The following RPH3A variants were observed in gnomAD, a reference collection of about 807,000 sequenced individuals.
RPH3A encodes rabphilin 3A.
RPH3A carries 48 observed loss-of-function variants against 102.2 expected under a neutral mutation model. The observed-to-expected ratio is 0.47, with a 90% CI of 0.37 to 0.60. The LOEUF is 0.60. RPH3A is among the 20% of genes least tolerant of loss of function. RPH3A has a pLI of 0.00. For synonymous variants in RPH3A, 310 were observed against 324.3 expected (o/e 0.96, Z 0.47); for missense variants, 781 against 910.1 (o/e 0.86, Z 1.83).
intron 2 of RPH3A, among the ~76,000 whole-genome samples, chr12:112,826,560 T>G (rs2041877170): frequency 6.6e-6 from 1 of 152,164 alleles, no homozygotes; most frequent in African/African-American, 2.4e-5. Context: ...CTTCACCCCA[T>G]GGAGGCCCCC....
upstream of RPH3A, among the ~76,000 whole-genome samples, chr12:112,787,401 C>A (rs536212710): frequency 6.6e-6 from 1 of 152,290 alleles, no homozygotes; most frequent in East Asian, 1.9e-4. Flanking sequence ...ACCCCATTCT[C>A]CCCCTCTTCC....
intron 1 of RPH3A, among the ~76,000 whole-genome samples, chr12:112,755,272 A>C (rs1042330116): frequency 1.3e-5 from 2 of 149,690 alleles, no homozygotes; most frequent in African/African-American, 5.0e-5. Context: ...TGCAAAGATA[A>C]GTAAAATTGA....
chr12:112,648,926 C>T (rs1301667927), intron 1 of RPH3A, among the ~76,000 whole-genome samples: 2 of 152,054 alleles, frequency 1.3e-5, no homozygotes, highest in Admixed American at 6.6e-5. Context: ...TCAAACAATC[C>T]TCATGCCTCA....
chr12:112,596,515 T>C (rs1242072389), intron 1 of RPH3A, among the ~76,000 whole-genome samples: 1 of 152,236 alleles, frequency 6.6e-6, no homozygotes, highest in Non-Finnish European at 1.5e-5. Context: ...CAGTAATGCC[T>C]TCATTGTAAA....
intron 1 of RPH3A, among the ~76,000 whole-genome samples, chr12:112,783,206 T>A (rs2041020784): frequency 6.6e-6 from 1 of 152,150 alleles, no homozygotes; most frequent in Non-Finnish European, 1.5e-5. Flanking sequence ...AGTGTGAGGC[T>A]GAGAAATCTC....
At chr12:112,832,714 ATGCCTGTGTTCT>A (rs2041989888) in intron 3 of RPH3A, among the ~76,000 whole-genome samples, 1 of 152,172 alleles carries the variant, frequency 6.6e-6, no homozygotes, top group Non-Finnish European at 1.5e-5. Flanking sequence ...GTTGTGGTGC[ATGCCTGTGTTCT>A]CAGCTACTCA....
rs570484533 is a variant in RPH3A at position 112,590,905 on chromosome 12, C to T, written c.-140+15586C>T. On this transcript the variant is annotated intron_variant, in intron 1 of 21. Coordinates refer to the RPH3A transcript ENST00000543106. ...GAAACCTTAGGTTCAAGTGATCTTCCTGCCTCAGCCTCCCGAGTAGTTGGA... is the reference window on the plus strand; with the variant it reads ...GAAACCTTAGGTTCAAGTGATCTTCTTGCCTCAGCCTCCCGAGTAGTTGGA... Among the ~76,000 whole-genome samples the T allele has an allele frequency of 7.2e-5, 11 of 152,228 alleles. No individual in the cohort carries two copies. In the East Asian group the frequency reaches 2.1e-3, roughly 29 times the overall value.
chr12:112,668,310 C>T (rs2136007616), intron 1 of RPH3A, among the ~76,000 whole-genome samples: 1 of 152,214 alleles, frequency 6.6e-6, no homozygotes, highest in African/African-American at 2.4e-5. Context: ...AGATAATGAT[C>T]TATAAAGAGC....
chr12:112,858,266 C>CAAAAAAAAAAAAAAAAAAAAAAA (rs1164602599), intron 5 of RPH3A, among the ~76,000 whole-genome samples: 2 of 44,776 alleles, frequency 4.5e-5, no homozygotes, highest in Non-Finnish European at 3.7e-5. Flanking sequence ...GACCCTGTCT[C>CAAAAAAAAAAAAAAAAAAAAAAA]AAAAAAAAAA....
At chr12:112,642,031 G>A (rs954154185) in intron 1 of RPH3A, among the ~76,000 whole-genome samples, 1 of 152,172 alleles carries the variant, frequency 6.6e-6, no homozygotes, top group Non-Finnish European at 1.5e-5. Flanking sequence ...CTTAAGCTCA[G>A]GGTGTTTGAC....
intron 1 of RPH3A, among the ~76,000 whole-genome samples, chr12:112,683,979 T>C (rs1037593452): frequency 6.6e-6 from 1 of 152,212 alleles, no homozygotes; most frequent in African/African-American, 2.4e-5. Context: ...AAATTATTAT[T>C]CTCATCGATT....
Position 112,742,310 on chromosome 12 carries a change from G to A in RPH3A, c.-139-49833G>A, listed in dbSNP as rs560830429. ...TCTTGCTGTGGGTAGACTCTTCCGG[G>A]AAATTGGAGAGGAAATGTTGTATAC... On this transcript the variant is annotated intron_variant, in intron 1 of 21. Transcript: ENST00000543106. 1.8e-3 allele frequency among the ~76,000 whole-genome samples: 276 copies of A among 152,248 alleles called. 1 individual carries two copies. The highest frequency in any genetic ancestry group is 6.2e-3 in the African/African-American group (259 of 41,556).
At chr12:112,775,858 T>C (rs1664678580) in intron 1 of RPH3A, among the ~76,000 whole-genome samples, 1 of 152,192 alleles carries the variant, frequency 6.6e-6, no homozygotes, top group South Asian at 2.1e-4. Flanking sequence ...CATGGTCCTT[T>C]TCCAGGGGTA....
chr12:112,826,223 G>A (rs187731603), intron 2 of RPH3A, among the ~76,000 whole-genome samples: 7 of 152,284 alleles, frequency 4.6e-5, no homozygotes, highest in South Asian at 4.1e-4. Flanking sequence ...GAAGGCTTCC[G>A]GGCTGAGGGA....
chr12:112,775,326 C>A (rs1261820977), intron 1 of RPH3A, among the ~76,000 whole-genome samples: 1 of 152,096 alleles, frequency 6.6e-6, no homozygotes, highest in Non-Finnish European at 1.5e-5. Context: ...TAATAATAAG[C>A]AAATGCTAAG....
chr12:112,590,949 C>T (rs994816021), intron 1 of RPH3A, among the ~76,000 whole-genome samples: 3 of 152,200 alleles, frequency 2.0e-5, no homozygotes, highest in Non-Finnish European at 4.4e-5. Flanking sequence ...CACGTGCCAC[C>T]ACACCCAGCT....
intron 1 of RPH3A, among the ~76,000 whole-genome samples, chr12:112,645,361 T>A (rs549308176): frequency 6.6e-6 from 1 of 152,228 alleles, no homozygotes; most frequent in South Asian, 2.1e-4. Context: ...TTGAATGATG[T>A]CCTTATCTAT....
Position 112,708,465 on chromosome 12 carries a change from C to T in RPH3A, c.-139-83678C>T, listed in dbSNP as rs116623375. Among the ~76,000 whole-genome samples the T allele has an allele frequency of 1.6e-3, 242 of 152,164 alleles. 1 individual carries two copies. Among genetic ancestry groups the T allele is most frequent in the African/African-American group, 5.2e-3 (214 of 41,504 alleles). On this transcript the variant is annotated intron_variant, in intron 1 of 21. Transcript: ENST00000543106. ...CATTAATGAGATGCCAAAATGGGGG[C>T]GTACAAGGGATCAAGCAGCAAGTGT...
intron 5 of RPH3A, among the ~76,000 whole-genome samples, chr12:112,861,877 A>G (rs1372971774): frequency 1.3e-5 from 2 of 151,926 alleles, no homozygotes; most frequent in African/African-American, 4.8e-5. Flanking sequence ...GCCAGGCGCG[A>G]TGGTGGGCGC....
Sources: gnomAD v4.1 joint callset for allele counts (sites outside exome capture counted in the v4.1 genomes callset) on GRCh38, gnomAD v4.1.1 for gene constraint, MANE v1.5 for transcripts, NCBI Gene and HGNC (gene_info 2026-07-23, HGNC 2026-07-21) for gene names.